Variants in POP1 observed in about 807,000 individuals in gnomAD.
POP1 encodes the protein POP1 ribonuclease P/MRP subunit.
In POP1, 75 loss-of-function variants were observed where a neutral mutation model predicts 102.2. That is an observed-to-expected ratio of 0.73 (90% CI 0.61 to 0.89). The LOEUF (loss-of-function observed/expected upper bound fraction) is 0.89. POP1 is among the 40% of genes least tolerant of loss of function. POP1 has a pLI of 0.00. For synonymous variants in POP1, 436 were observed against 464.1 expected, an observed-to-expected ratio of 0.94 and a Z score of 0.78; for missense variants, 1,116 against 1,267.4, an observed-to-expected ratio of 0.88 and a Z score of 1.81.
At chr8:98,125,636 G>C (rs1372183447) in intron 2 of POP1, among the ~76,000 whole-genome samples, 1 of 152,058 alleles carries the variant, frequency 6.6e-6, no homozygotes, top group Non-Finnish European at 1.5e-5. Flanking sequence ...TGCCTCCCGG[G>C]TTCAAGCAAT....
At chr8:98,148,694 AC>A (rs1221463456) in intron 12 of POP1, 120 bp from the exon 13 acceptor site, 5 of 846,894 alleles carry the variant, frequency 5.9e-6, no homozygotes, top group Non-Finnish European at 9.7e-6. Context: ...TTTATTTAGA[AC>A]GTTTTTCTCT....
chr8:98,156,502 A>C, intron 15 of POP1, 90 bp downstream of exon 15: 6 of 1,524,332 alleles, frequency 3.9e-6, no homozygotes, highest in Admixed American at 3.7e-5. Context: ...CTGTTTGTTT[A>C]TGCAAAATCC....
intron 7 of POP1, among the ~76,000 whole-genome samples, chr8:98,135,875 T>G (rs879887469): frequency 3.6e-4 from 54 of 152,018 alleles, no homozygotes; most frequent in Admixed American, 1.1e-3. Flanking sequence ...AATTATTTTT[T>G]TATTTTGTGT....
Position 98,133,937 on chromosome 8 carries a change from C to T in POP1, c.736-12C>T, listed in dbSNP as rs373066155. The T allele has an allele frequency of 2.7e-5, 44 of 1,604,014 alleles. No individual in the cohort carries two copies. Among genetic ancestry groups the T allele is most frequent in the Admixed American group, 8.3e-5 (5 of 59,988 alleles). ...TTCCTAAGTACTTAATTGTGTCTCC[C>T]GCTTTGTGCAGGATTTATCCTATTA... On this transcript the variant is annotated splice_polypyrimidine_tract_variant and intron_variant, in intron 5 of 15. Coordinates refer to ENST00000401707, the MANE Select transcript of POP1 (RefSeq NM_001145860.2).
In POP1 at chr8:98,140,840, T is replaced by C. The variant is rs750493903; in HGVS notation, c.1546T>C (p.Leu516=). ...GACAGTTGGGGATCCTCGAATAAAT[T>C]TGCCCCAAAAGAAGTCCAAAGCTTT... ...GLTVGDPRIN[L]PQKKSKALPN... is the part of the protein sequence containing the mutation. Residue 516 remains leucine (L), a synonymous_variant, in exon 11 of 16, where the codon TTG becomes CTG. Coordinates refer to ENST00000401707, the MANE Select transcript of POP1 (RefSeq NM_001145860.2). 2.7e-5 allele frequency: 44 copies of C among 1,613,848 alleles called. No individual in the cohort carries two copies. The Admixed American group carries it at 7.0e-4, about 26-fold the overall frequency.
chr8:98,154,381 C>T (rs1000453472), intron 14 of POP1, among the ~76,000 whole-genome samples: 9 of 152,054 alleles, frequency 5.9e-5, no homozygotes, highest in African/African-American at 1.7e-4. Context: ...GCAGCTGCTG[C>T]GAGCCGCAGG....
intron 12 of POP1, among the ~76,000 whole-genome samples, chr8:98,147,362 A>G (rs1480766662): frequency 1.3e-5 from 2 of 152,356 alleles, no homozygotes; most frequent in African/African-American, 4.8e-5. Flanking sequence ...TAAGAAAAGC[A>G]TGTACAGGAG....
intron 10 of POP1, 39 bp downstream of exon 10, chr8:98,140,228 G>C: frequency 6.3e-7 from 1 of 1,576,528 alleles, no homozygotes; most frequent in Non-Finnish European, 8.7e-7. Context: ...GGGGAGGGAA[G>C]GGGGCCAAAA....
At chr8:98,133,863 A>G (rs2306133) in intron 5 of POP1, 86 bp from the exon 6 acceptor site, 3 of 979,402 alleles carry the variant, frequency 3.1e-6, no homozygotes, top group East Asian at 2.4e-5. Context: ...AGGCCTCTAA[A>G]GGTTTTGTGA....
intron 14 of POP1, among the ~76,000 whole-genome samples, chr8:98,155,590 A>G (rs1809624815): frequency 7.0e-6 from 1 of 142,932 alleles, no homozygotes; most frequent in South Asian, 2.2e-4. Context: ...GCCTATTATT[A>G]TTATTTTCTG....
At chr8:98,141,151 C>T (rs962261587) in intron 11 of POP1, among the ~76,000 whole-genome samples, 1 of 151,604 alleles carries the variant, frequency 6.6e-6, no homozygotes, top group Non-Finnish European at 1.5e-5. Context: ...CTAGTAAAAC[C>T]TGTCTCTCTG....
chr8:98,136,678 G>A lies in POP1; in HGVS notation c.1208G>A (p.Gly403Glu). 6.2e-7 allele frequency: 1 copy of A among 1,613,022 alleles called. No homozygotes were observed. The highest frequency in any genetic ancestry group is 8.5e-7 in the Non-Finnish European group (1 of 1,179,012). The change falls in exon 8 of 16, where the codon GGA becomes GAA. Residue 403 changes from glycine (G) to glutamate (E), a missense_variant. By Grantham distance (98) the Gly-to-Glu change is moderately conservative. Coordinates refer to ENST00000401707, the MANE Select transcript of POP1 (RefSeq NM_001145860.2). ...CCAATTAAAAAAATTATCGGTGATG[G>A]AACTAGAGATCCATGTCTACCATAC... ...AKPIKKIIGD[G>E]TRDPCLPYSW... is the part of the protein sequence containing the mutation.
At chr8:98,150,371 T>C (rs1809482346) in intron 13 of POP1, 114 bp from the exon 14 acceptor site, 2 of 1,111,924 alleles carry the variant, frequency 1.8e-6, no homozygotes, top group Non-Finnish European at 2.7e-6. Context: ...TGTGTATTTC[T>C]ATCCATTCTC....
At chr8:98,119,260 T>A (rs971338975) in intron 1 of POP1, among the ~76,000 whole-genome samples, 1 of 152,254 alleles carries the variant, frequency 6.6e-6, no homozygotes, top group Non-Finnish European at 1.5e-5. Flanking sequence ...ATGATTCAAC[T>A]TGTGTAAAAT....
chr8:98,127,544 TA>T (rs1563771819), intron 2 of POP1, 50 bp from the exon 3 acceptor site: 3 of 1,602,936 alleles, frequency 1.9e-6, no homozygotes, highest in Non-Finnish European at 2.6e-6. Context: ...TTCTCCACTA[TA>T]ATGTTTATCT....
At position 98,134,524 on chromosome 8, in the gene POP1, TG is replaced by T. The variant is rs1816474628; in HGVS notation, c.877del (p.Val293CysfsTer5). Reference sequence around the variant, plus strand: ...TGTCTGGAAAGCGCCAAGGGAGCCTTGTGCTTTATCGGGTGAATAAATATCC... The same window carrying T: ...TGTCTGGAAAGCGCCAAGGGAGCCTTTGCTTTATCGGGTGAATAAATATCC... ...CLSGKRQGSLVLYRVNKYPRE... is the reference protein window; with the variant it reads ...CLSGKRQGSLXLYRVNKYPRE... On this transcript the variant is annotated frameshift_variant, in exon 7 of 16. Coordinates refer to ENST00000401707, the MANE Select transcript of POP1 (RefSeq NM_001145860.2). LOFTEE classifies it high-confidence loss of function. The T allele has an allele frequency of 6.2e-7, 1 of 1,614,074 alleles. No homozygotes were observed.
intron 6 of POP1, 43 bp downstream of exon 6, chr8:98,134,079 A>C: frequency 7.1e-7 from 1 of 1,402,772 alleles, no homozygotes. Context: ...GTCTATGTAT[A>C]TTTATTCATT....
intron 7 of POP1, among the ~76,000 whole-genome samples, chr8:98,136,030 T>G (rs1263777209): frequency 6.6e-6 from 1 of 151,806 alleles, no homozygotes; most frequent in Non-Finnish European, 1.5e-5. Context: ...ATGATAAATT[T>G]AATTTAAGTT....
intron 13 of POP1, 87 bp from the exon 14 acceptor site, chr8:98,150,398 A>G: frequency 1.4e-6 from 2 of 1,414,228 alleles, no homozygotes; most frequent in South Asian, 1.2e-5. Flanking sequence ...AGGGGCGTTT[A>G]GGTTGTTTCC....
Sources: gnomAD v4.1 joint callset for allele counts (sites outside exome capture counted in the v4.1 genomes callset) on GRCh38, gnomAD v4.1.1 for gene constraint, MANE v1.5 for transcripts, NCBI Gene and HGNC (gene_info 2026-07-23, HGNC 2026-07-21) for gene names.